PTPRZ1: variants seen among roughly 807,000 people sequenced by gnomAD.
The protein encoded by PTPRZ1 is protein tyrosine phosphatase receptor type Z1, also known as receptor-type tyrosine-protein phosphatase zeta.
A neutral mutation model predicts 214.1 loss-of-function variants in PTPRZ1; 82 were observed. The observed-to-expected ratio is 0.38, with a 90% confidence interval of 0.32 to 0.46. PTPRZ1 has a LOEUF of 0.46. Ranked by LOEUF, PTPRZ1 falls within the 20% of genes least tolerant of loss-of-function variation. The pLI, the probability that PTPRZ1 is intolerant of heterozygous loss-of-function variation, is 1.00. For missense variants in PTPRZ1, 2,603 were observed against 2,748.7 expected (o/e 0.95, Z 1.19); for synonymous variants, 945 against 987.9 (o/e 0.96, Z 0.81).
intron 2 of PTPRZ1, among the ~76,000 whole-genome samples, chr7:121,956,188 T>C (rs1332171948): frequency 6.6e-6 from 1 of 151,874 alleles, no homozygotes; most frequent in South Asian, 2.1e-4. Context: ...ATATTGACTT[T>C]CCCAAACATT....
Position 121,873,401 on chromosome 7 carries a change from AAAAC to A in PTPRZ1, c.-87_-84del, listed in dbSNP as rs145879375. 23,868 of 1,248,242 alleles carry A rather than the reference AAAAC, an allele frequency of 0.019. 376 individuals are homozygous for A. The highest frequency in any genetic ancestry group is 0.07 in the African/African-American group (4,748 of 67,400). The allele number at this position is 1,248,242 out of a possible 1,614,324, so 77.3% of individuals were successfully genotyped here. A position where few individuals can be genotyped will look rare whatever the true frequency, so the allele number is the denominator to read the frequency against. Reference sequence around the variant, plus strand: ...ACTTCGATCTATACACTGGAGGATTAAAACAAACAAACAAAAAAAACATTTCCTT... The same window carrying A: ...ACTTCGATCTATACACTGGAGGATTAAAACAAACAAAAAAAACATTTCCTT... On this transcript the variant is annotated 5_prime_UTR_variant, in exon 1 of 30. Coordinates refer to ENST00000393386, the MANE Select transcript of PTPRZ1 (RefSeq NM_002851.3).
At position 122,013,574 on chromosome 7, in the gene PTPRZ1, G is replaced by T. The variant is rs765431165; in HGVS notation, c.4528G>T (p.Gly1510Trp). The change falls in exon 12 of 30, where the codon GGG (glycine) becomes TGG (tryptophan). Residue 1510 changes from glycine (G) to tryptophan (W), a missense_variant. By Grantham distance (184) the Gly-to-Trp change is radical (BLOSUM62 -2). Coordinates refer to ENST00000393386, the MANE Select transcript of PTPRZ1 (RefSeq NM_002851.3). ...TCCTGGTAAATCACCATCAGCAAAT[G>T]GGCTATCCCAAAAGCACAATGATGG... ...RSPGKSPSAN[G>W]LSQKHNDGKE... 1 of 1,614,122 alleles carries T rather than the reference G, an allele frequency of 6.2e-7. No homozygotes were observed. The highest frequency in any genetic ancestry group is 8.5e-7 in the Non-Finnish European group (1 of 1,180,016).
At chr7:122,042,997 G>A (rs1430522829) in intron 22 of PTPRZ1, among the ~76,000 whole-genome samples, 1 of 152,176 alleles carries the variant, frequency 6.6e-6, no homozygotes, top group African/African-American at 2.4e-5. Flanking sequence ...CACAATTCCA[G>A]TCTCAGTCTT....
intron 13 of PTPRZ1, among the ~76,000 whole-genome samples, chr7:122,027,849 C>T (rs1274169749): frequency 6.6e-6 from 1 of 152,094 alleles, no homozygotes; most frequent in Non-Finnish European, 1.5e-5. Context: ...TCTCGAAACC[C>T]TCATCAACAA....
intron 1 of PTPRZ1, among the ~76,000 whole-genome samples, chr7:121,873,819 A>C (rs1025669594): frequency 1.3e-5 from 2 of 152,132 alleles, no homozygotes; most frequent in African/African-American, 4.8e-5. Context: ...AGACGGAGCT[A>C]CTGGAGACGG....
At chr7:121,912,448 T>C (rs1296825960) in intron 1 of PTPRZ1, among the ~76,000 whole-genome samples, 3 of 152,242 alleles carry the variant, frequency 2.0e-5, no homozygotes, top group Non-Finnish European at 2.9e-5. Flanking sequence ...AAGAGTGTAC[T>C]AGTTTCTGCT....
At chr7:121,970,632 C>T (rs1399369532) in intron 3 of PTPRZ1, among the ~76,000 whole-genome samples, 1 of 152,106 alleles carries the variant, frequency 6.6e-6, no homozygotes, top group Non-Finnish European at 1.5e-5. Context: ...ATCCTTTGCC[C>T]ACTTTTTGAT....
intron 6 of PTPRZ1, among the ~76,000 whole-genome samples, chr7:121,982,034 C>A (rs1016449458): frequency 6.6e-6 from 1 of 151,986 alleles, no homozygotes; most frequent in African/African-American, 2.4e-5. Flanking sequence ...TGAATATGTT[C>A]ATTTAAATCT....
chr7:121,886,199 A>T (rs987334264), intron 1 of PTPRZ1, among the ~76,000 whole-genome samples: 1 of 152,134 alleles, frequency 6.6e-6, no homozygotes, highest in African/African-American at 2.4e-5. Flanking sequence ...TGATTATTGC[A>T]GTCTGTTACA....
chr7:121,935,149 C>T (rs1322181276), intron 2 of PTPRZ1, among the ~76,000 whole-genome samples: 1 of 152,108 alleles, frequency 6.6e-6, no homozygotes, highest in Non-Finnish European at 1.5e-5. Flanking sequence ...GGTCGCAACT[C>T]TTATGTAGTA....
intron 1 of PTPRZ1, among the ~76,000 whole-genome samples, chr7:121,887,727 A>T (rs1351180063): frequency 6.6e-6 from 1 of 152,168 alleles, no homozygotes; most frequent in Non-Finnish European, 1.5e-5. Flanking sequence ...CTTTATTCTA[A>T]GTAGCGGTGG....
intron 23 of PTPRZ1, among the ~76,000 whole-genome samples, chr7:122,049,083 G>C (rs1303215820): frequency 6.6e-6 from 1 of 151,942 alleles, no homozygotes; most frequent in Non-Finnish European, 1.5e-5. Context: ...TTTACATAAA[G>C]AAACATTATG....
chr7:122,051,587 G>C, intron 24 of PTPRZ1, 66 bp downstream of exon 24: 2 of 1,403,762 alleles, frequency 1.4e-6, no homozygotes, highest in Non-Finnish European at 2.0e-6. Flanking sequence ...AGGAAATTTG[G>C]CAATATTTGT....
chr7:121,981,771 GGTGTGTGT>G (rs548092126), intron 6 of PTPRZ1, among the ~76,000 whole-genome samples: 5 of 149,146 alleles, frequency 3.4e-5, no homozygotes, highest in African/African-American at 9.8e-5. Flanking sequence ...CATATTTATT[GGTGTGTGT>G]GTGTGTGTGT....
chr7:122,004,751 G>C (rs768230883), intron 11 of PTPRZ1, 91 bp downstream of exon 11: 2 of 709,358 alleles, frequency 2.8e-6, no homozygotes, highest in Non-Finnish European at 4.7e-6. Context: ...CACATGAATA[G>C]AAGTTGTGTG....
At chr7:121,897,748 G>A (rs934528694) in intron 1 of PTPRZ1, among the ~76,000 whole-genome samples, 2 of 152,082 alleles carry the variant, frequency 1.3e-5, no homozygotes, top group Non-Finnish European at 2.9e-5. Context: ...CCTTTCCAAG[G>A]TTGCATGTAG....
At chr7:121,970,199 T>C (rs1797194734) in intron 3 of PTPRZ1, among the ~76,000 whole-genome samples, 1 of 152,064 alleles carries the variant, frequency 6.6e-6, no homozygotes, top group African/African-American at 2.4e-5. Context: ...TCCAGTCTAT[T>C]GTTGTTGGAC....
At chr7:122,041,029 A>C in intron 21 of PTPRZ1, 50 bp downstream of exon 21, 2 of 1,376,544 alleles carry the variant, frequency 1.5e-6, no homozygotes, top group Non-Finnish European at 1.9e-6. Flanking sequence ...TTATACTTGC[A>C]AAAAGGAAAT....
chr7:121,968,342 G>A (rs77831606), intron 3 of PTPRZ1, among the ~76,000 whole-genome samples: 5,634 of 152,074 alleles, frequency 0.037, 113 homozygotes, highest in East Asian at 0.087. Flanking sequence ...ATCATGTCAT[G>A]TTTTCCTACA....
Sources: gnomAD v4.1 joint callset for allele counts (sites outside exome capture counted in the v4.1 genomes callset) on GRCh38, gnomAD v4.1.1 for gene constraint, MANE v1.5 for transcripts, NCBI Gene and HGNC (gene_info 2026-07-23, HGNC 2026-07-21) for gene names.